The following SLC6A20 variants were observed in gnomAD, a reference collection of about 807,000 sequenced individuals.
SLC6A20 encodes the protein solute carrier family 6 member 20, also known as sodium- and chloride-dependent transporter XTRP3.
Under a neutral mutation model 64.3 loss-of-function variants are expected in SLC6A20, and 73 were observed. The observed-to-expected ratio is 1.14, with a 90% CI of 0.94 to 1.38. The LOEUF (loss-of-function observed/expected upper bound fraction) is 1.38, where lower values mean the gene tolerates loss of function less well. Ranked by LOEUF, SLC6A20 falls within the 40% of genes most tolerant of loss-of-function variation. The pLI, the probability that SLC6A20 is intolerant of heterozygous loss-of-function variation, is 0.00. For missense variants in SLC6A20, 725 were observed against 772.8 expected (o/e 0.94, Z 0.73); for synonymous variants, 347 against 329.6 (o/e 1.05, Z -0.57).
In SLC6A20 at chr3:45,756,752, C is replaced by T. The variant is rs1277692658; in HGVS notation, c.*2226G>A. The T allele has an allele frequency of 2.0e-5, 3 of 152,194 alleles. No individual in the cohort carries two copies. Among genetic ancestry groups the T allele is most frequent in the South Asian group, 2.1e-4 (1 of 4,820 alleles). 9.4% of individuals were successfully genotyped at this position (152,194 alleles called of 1,614,324 possible). A position where few individuals can be genotyped will look rare whatever the true frequency, so the allele number is the denominator to read the frequency against. ...AGGGACTCGCTCACTTTAGGGGTAA[C>T]GACCTACTTTATTGCAGTTAAAAAA... On this transcript the variant is annotated 3_prime_UTR_variant, in exon 11 of 11. Coordinates refer to ENST00000358525, the MANE Select transcript of SLC6A20 (RefSeq NM_020208.4).
At position 45,796,481 on chromosome 3, in the gene SLC6A20, G is replaced by T. The variant is rs1700351588; in HGVS notation, c.-62C>A. 5 of 1,525,152 alleles carry T rather than the reference G, an allele frequency of 3.3e-6. No individual in the cohort carries two copies. In the African/African-American group the frequency reaches 5.7e-5, roughly 17 times the overall value. The allele number at this position is 1,525,152 out of a possible 1,614,324, so 94.5% of individuals were successfully genotyped here. Reference sequence around the variant, plus strand: ...GTCCGGCACGGCAGTCTCAGTGCGCGGTCGCCAGGCGCGCCGTCCCACCCC... The same window carrying T: ...GTCCGGCACGGCAGTCTCAGTGCGCTGTCGCCAGGCGCGCCGTCCCACCCC... On this transcript the variant is annotated 5_prime_UTR_variant, in exon 1 of 11. Coordinates refer to ENST00000358525, the MANE Select transcript of SLC6A20 (RefSeq NM_020208.4).
At chr3:45,770,480 G>GC in intron 6 of SLC6A20, 109 bp from the exon 7 acceptor site, 1 of 1,347,834 alleles carries the variant, frequency 7.4e-7, no homozygotes, top group Non-Finnish European at 1.0e-6. Context: ...GGAGTCTGTT[G>GC]CTTGGTGATC....
At chr3:45,769,588 A>G (rs1699826303) in intron 7 of SLC6A20, among the ~76,000 whole-genome samples, 1 of 152,208 alleles carries the variant, frequency 6.6e-6, no homozygotes, top group Non-Finnish European at 1.5e-5. Flanking sequence ...TTCCACATGT[A>G]TTATTATGGA....
At chr3:45,771,574 T>C (rs1699868970) in intron 5 of SLC6A20, 116 bp from the exon 6 acceptor site, 20 of 1,513,252 alleles carry the variant, frequency 1.3e-5, no homozygotes, top group Non-Finnish European at 1.5e-5. Context: ...CACGCAGCCA[T>C]CAGGGGCACC....
intron 1 of SLC6A20, among the ~76,000 whole-genome samples, chr3:45,785,453 C>A (rs965635499): frequency 2.0e-5 from 3 of 152,124 alleles, no homozygotes; most frequent in African/African-American, 7.2e-5. Context: ...AGCCTCTCAG[C>A]CTACATCTTT....
In SLC6A20 at chr3:45,782,158, G is replaced by T; in HGVS notation, c.187C>A (p.Leu63Met). 6.2e-7 allele frequency: 1 copy of T among 1,613,880 alleles called. No individual in the cohort carries two copies. The highest frequency in any genetic ancestry group is 8.5e-7 in the Non-Finnish European group (1 of 1,179,916). The change falls in exon 2 of 11, where the codon CTG (leucine) becomes ATG (methionine). Residue 63 changes from leucine to methionine, a missense_variant. Leu to Met is a conservative substitution (Grantham distance 15, BLOSUM62 2). Coordinates refer to ENST00000358525, the MANE Select transcript of SLC6A20 (RefSeq NM_020208.4). ...VEGMPLLYLE[L>M]AVGQRMRQGS... ...TGCCGCATGCGCTGCCCCACAGCCA[G>T]TTCCAGGTACAAGAGCGGCATTCCC...
At chr3:45,782,805 T>C (rs1457243957) in intron 1 of SLC6A20, among the ~76,000 whole-genome samples, 2 of 152,240 alleles carry the variant, frequency 1.3e-5, no homozygotes, top group Non-Finnish European at 1.5e-5. Context: ...TGTCAGTTGT[T>C]GAACTCTTTA....
Position 45,772,606 on chromosome 3 carries a change from A to G in SLC6A20, c.592T>C (p.Phe198Leu). 1 of 1,613,598 alleles carries G rather than the reference A, an allele frequency of 6.2e-7. No individual in the cohort carries two copies. The highest frequency in any genetic ancestry group is 8.5e-7 in the Non-Finnish European group (1 of 1,179,842). ...ACGCAATAGGGCAGTGACGCCGTGA[A>G]ATACACCACCTGCGGGCATCAGAGG... is the stretch of plus-strand genomic sequence containing the variant. ...GTESTGKVVY[F>L]TASLPYCVLI... The change falls in exon 5 of 11, where the codon TTC becomes CTC. Residue 198 changes from phenylalanine (F) to leucine (L), a missense_variant. Physicochemically the swap from Phe to Leu is conservative, Grantham distance 22. Transcript: ENST00000358525.
In SLC6A20 at chr3:45,772,616, C is replaced by T. The variant is rs766184924; in HGVS notation, c.583-1G>A. ...GCAGTGACGCCGTGAAATACACCAC[C>T]TGCGGGCATCAGAGGGCAGAGTTGG... On this transcript the variant is annotated splice_acceptor_variant, in intron 4 of 10. Coordinates refer to ENST00000358525, the MANE Select transcript of SLC6A20 (RefSeq NM_020208.4). LOFTEE classifies it high-confidence loss of function. 1.9e-6 allele frequency: 3 copies of T among 1,612,460 alleles called. No homozygotes were observed. The highest frequency in any genetic ancestry group is 2.2e-5 in the South Asian group (2 of 90,714).
rs774800565 is a variant in SLC6A20, at chr3:45,782,092, T to C, written c.253A>G (p.Ser85Gly). ...GAWRTISPYL[S>G]GVGVASVVVS... ...GAGGGGCCCCACGTACCGACACCACTGAGGTACGGGCTGATGGTCCTCCAG... is the reference window on the plus strand; with the variant it reads ...GAGGGGCCCCACGTACCGACACCACCGAGGTACGGGCTGATGGTCCTCCAG... Residue 85 changes from serine (S) to glycine (G), a missense_variant, in exon 2 of 11, where the codon AGT becomes GGT. Coordinates refer to ENST00000358525, the MANE Select transcript of SLC6A20 (RefSeq NM_020208.4). The C allele has an allele frequency of 1.2e-6, 2 of 1,609,606 alleles. No individual in the cohort carries two copies. The highest frequency in any genetic ancestry group is 1.7e-5 in the Admixed American group (1 of 59,516).
At chr3:45,760,891 G>A (rs924193902) in intron 9 of SLC6A20, among the ~76,000 whole-genome samples, 3 of 152,238 alleles carry the variant, frequency 2.0e-5, no homozygotes, top group Non-Finnish European at 2.9e-5. Context: ...ACCAGGCCCA[G>A]AACCTGGGTT....
At chr3:45,788,810 C>T (rs1700206613) in intron 1 of SLC6A20, among the ~76,000 whole-genome samples, 1 of 152,106 alleles carries the variant, frequency 6.6e-6, no homozygotes, top group African/African-American at 2.4e-5. Context: ...TTTACTATTC[C>T]TGAAAAACTT....
intron 2 of SLC6A20, 114 bp from the exon 3 acceptor site, chr3:45,780,214 C>A (rs1700054597): frequency 1.2e-6 from 1 of 836,826 alleles, no homozygotes; most frequent in Middle Eastern, 3.3e-4. Context: ...GTGGGCGAGG[C>A]CTCCCTCCAC....
intron 9 of SLC6A20, among the ~76,000 whole-genome samples, chr3:45,762,098 G>A (rs1184637122): frequency 6.6e-6 from 1 of 152,178 alleles, no homozygotes; most frequent in Non-Finnish European, 1.5e-5. Flanking sequence ...TGTGCCTCAG[G>A]CCCCCTGGAC....
At position 45,771,274 on chromosome 3, in the gene SLC6A20, A is replaced by T. The variant is rs781570139; in HGVS notation, c.878T>A (p.Val293Asp). ...NSFTSIFASI[V>D]TFSIYGFKAT... is the part of the protein sequence containing the mutation. ...CTTGAAGCCATAGATGGAGAAGGTGACAATGCTGGCAAATATGGAGGTGAA... is the reference window on the plus strand; with the variant it reads ...CTTGAAGCCATAGATGGAGAAGGTGTCAATGCTGGCAAATATGGAGGTGAA... Residue 293 changes from valine to aspartate, a missense_variant, in exon 6 of 11, where the codon GTC becomes GAC. Val to Asp is a radical substitution (Grantham distance 152). Transcript: ENST00000358525. 2 of 1,614,110 alleles carry T rather than the reference A, an allele frequency of 1.2e-6. No homozygotes were observed. The highest frequency in any genetic ancestry group is 1.7e-6 in the Non-Finnish European group (2 of 1,180,054).
At chr3:45,762,404 T>TA (rs1189181311) in intron 9 of SLC6A20, among the ~76,000 whole-genome samples, 2 of 152,242 alleles carry the variant, frequency 1.3e-5, no homozygotes, top group African/African-American at 4.8e-5. Context: ...AAGGTTGCTC[T>TA]AGACCAGTGG....
chr3:45,784,245 A>G (rs1700139439), intron 1 of SLC6A20, among the ~76,000 whole-genome samples: 1 of 152,204 alleles, frequency 6.6e-6, no homozygotes, highest in African/African-American at 2.4e-5. Flanking sequence ...ATCTGGGTGA[A>G]TTTGCTCTGC....
At chr3:45,776,848 T>G (rs902016842) in intron 3 of SLC6A20, among the ~76,000 whole-genome samples, 2 of 152,134 alleles carry the variant, frequency 1.3e-5, no homozygotes, top group Non-Finnish European at 2.9e-5. Flanking sequence ...AGGCGGGGAT[T>G]GGGAAAGCTT....
At chr3:45,794,653 T>G (rs898526183) in intron 1 of SLC6A20, among the ~76,000 whole-genome samples, 4 of 152,166 alleles carry the variant, frequency 2.6e-5, no homozygotes, top group Non-Finnish European at 4.4e-5. Context: ...TGCAGACTAT[T>G]CAGGTGATGG....
Sources: gnomAD v4.1 joint callset for allele counts (sites outside exome capture counted in the v4.1 genomes callset) on GRCh38, gnomAD v4.1.1 for gene constraint, MANE v1.5 for transcripts, NCBI Gene and HGNC (gene_info 2026-07-23, HGNC 2026-07-21) for gene names.